ADGRA3: variants seen among roughly 807,000 people sequenced by gnomAD.
ADGRA3 encodes adhesion G protein-coupled receptor A3.
In ADGRA3, 56 loss-of-function variants were observed where a neutral mutation model predicts 119.8. That is an observed-to-expected ratio of 0.47 (90% CI 0.38 to 0.58). The LOEUF is 0.58. Ranked by LOEUF, ADGRA3 falls within the 20% of genes least tolerant of loss-of-function variation. The pLI is 0.00. For missense variants in ADGRA3, 1,516 were observed against 1,649.0 expected (o/e 0.92, Z 1.40); for synonymous variants, 607 against 623.8 (o/e 0.97, Z 0.40).
At chr4:22,390,328 A>ATATATATAAAATACATAT (rs1714062294) in intron 17 of ADGRA3, among the ~76,000 whole-genome samples, 3 of 138,814 alleles carry the variant, frequency 2.2e-5, no homozygotes, top group South Asian at 4.8e-4. Context: ...GCTTATATAT[A>ATATATATAAAATACATAT]TATATATATA....
At chr4:22,450,902 CTGTG>C in intron 4 of ADGRA3, among the ~76,000 whole-genome samples, 1 of 143,250 alleles carries the variant, frequency 7.0e-6, no homozygotes, top group Non-Finnish European at 1.5e-5. Context: ...TTTTAAAGCT[CTGTG>C]TGTGTGTCTA....
At chr4:22,506,611 C>G (rs1003958223) in intron 1 of ADGRA3, among the ~76,000 whole-genome samples, 6 of 152,124 alleles carry the variant, frequency 3.9e-5, no homozygotes, top group African/African-American at 9.7e-5. Flanking sequence ...GCAATGTGCT[C>G]AGTGTGGTAC....
At chr4:22,509,826 C>T (rs190447737) in intron 1 of ADGRA3, among the ~76,000 whole-genome samples, 6,305 of 151,620 alleles carry the variant, frequency 0.042, 455 homozygotes, top group African/African-American at 0.14. Flanking sequence ...CTGGCTAACA[C>T]GGTGAAACCC....
chr4:22,427,510 G>C (rs2109047080), intron 10 of ADGRA3, among the ~76,000 whole-genome samples: 1 of 151,846 alleles, frequency 6.6e-6, no homozygotes, highest in East Asian at 1.9e-4. Context: ...ACGAACAACA[G>C]TAATTGCTTT....
At chr4:22,456,077 C>A (rs1291880656) in intron 3 of ADGRA3, among the ~76,000 whole-genome samples, 2 of 152,184 alleles carry the variant, frequency 1.3e-5, no homozygotes, top group East Asian at 3.9e-4. Flanking sequence ...TCTGCACCAT[C>A]CATTTCAAAC....
intron 4 of ADGRA3, among the ~76,000 whole-genome samples, chr4:22,448,384 A>G (rs1041495709): frequency 6.6e-6 from 1 of 152,128 alleles, no homozygotes; most frequent in Admixed American, 6.5e-5. Flanking sequence ...CATATGCTCA[A>G]CCTCCACAAG....
At position 22,388,632 on chromosome 4, in the gene ADGRA3, C is replaced by T. The variant is rs200208969; in HGVS notation, c.3039G>A (p.Gly1013=). The T allele has an allele frequency of 1.2e-6, 2 of 1,613,964 alleles. No individual in the cohort carries two copies. Among genetic ancestry groups the T allele is most frequent in the Non-Finnish European group, 1.7e-6 (2 of 1,180,000 alleles). The change falls in exon 19 of 19, where the codon GGG becomes GGA. Residue 1013 remains glycine, a synonymous_variant. Transcript: ENST00000334304. The part of the protein sequence containing the change: ...LLLYVALWMF[G]ALAVSLYYPL... ...GGTAATACAAAGAAACAGCCAAAGC[C>T]CCAAACATCCACAGTGCAACATATA...
chr4:22,471,977 T>G (rs1717871982), intron 2 of ADGRA3, among the ~76,000 whole-genome samples: 1 of 152,138 alleles, frequency 6.6e-6, no homozygotes, highest in Non-Finnish European at 1.5e-5. Flanking sequence ...GGGTAGTAAT[T>G]CACACCACAG....
intron 14 of ADGRA3, among the ~76,000 whole-genome samples, chr4:22,409,538 A>C (rs1002189765): frequency 2.6e-5 from 4 of 152,158 alleles, no homozygotes; most frequent in Admixed American, 2.6e-4. Context: ...CAGTTTCCAC[A>C]TCTGTACAGT....
intron 1 of ADGRA3, among the ~76,000 whole-genome samples, chr4:22,495,268 A>T (rs1007953814): frequency 3.3e-5 from 5 of 151,998 alleles, no homozygotes; most frequent in Admixed American, 6.5e-5. Context: ...CGCTACTCAG[A>T]ATGGTACACA....
chr4:22,438,678 A>G (rs189593870), intron 7 of ADGRA3, among the ~76,000 whole-genome samples: 113 of 152,308 alleles, frequency 7.4e-4, no homozygotes, highest in African/African-American at 2.5e-3. Context: ...TATACGACGC[A>G]TGAGAATTCT....
chr4:22,418,025 C>T (rs1715497333), intron 12 of ADGRA3, among the ~76,000 whole-genome samples: 1 of 152,160 alleles, frequency 6.6e-6, no homozygotes. Flanking sequence ...CTCAAAACAC[C>T]AGCTTATTTC....
At chr4:22,426,262 C>G (rs1480661553) in intron 10 of ADGRA3, among the ~76,000 whole-genome samples, 1 of 152,108 alleles carries the variant, frequency 6.6e-6, no homozygotes, top group Admixed American at 6.5e-5. Flanking sequence ...CAGCTTGATC[C>G]TATTAAAATA....
In ADGRA3 at chr4:22,442,842, G is replaced by C; in HGVS notation, c.728C>G (p.Ser243Cys). ...GCGATGAGATGGAGTCATGTAGAAAGACGGCAATTCAAGCGGAGGGTCTAG... is the reference window on the plus strand; with the variant it reads ...GCGATGAGATGGAGTCATGTAGAAACACGGCAATTCAAGCGGAGGGTCTAG... ...LTCDPPLELP[S>C]FYMTPSHRQV... Residue 243 changes from serine (S) to cysteine (C), a missense_variant, in exon 7 of 19, where the codon TCT (serine) becomes TGT (cysteine). Coordinates refer to ENST00000334304, the MANE Select transcript of ADGRA3 (RefSeq NM_145290.4). 6.2e-7 allele frequency: 1 copy of C among 1,612,932 alleles called. No homozygotes were observed. Among genetic ancestry groups the C allele is most frequent in the Middle Eastern group, 1.7e-4 (1 of 6,058 alleles).
chr4:22,389,237 A>T, intron 17 of ADGRA3, 54 bp from the exon 18 acceptor site: 1 of 1,120,150 alleles, frequency 8.9e-7, no homozygotes. Context: ...CTTAACATGT[A>T]TCTCTCATAA....
At chr4:22,464,962 T>A (rs1185270082) in intron 2 of ADGRA3, among the ~76,000 whole-genome samples, 2 of 152,096 alleles carry the variant, frequency 1.3e-5, no homozygotes, top group African/African-American at 2.4e-5. Flanking sequence ...GACCTGCTTC[T>A]GGGGAAATCA....
chr4:22,446,176 A>C (rs1188970774), intron 5 of ADGRA3, among the ~76,000 whole-genome samples: 1 of 152,188 alleles, frequency 6.6e-6, no homozygotes, highest in African/African-American at 2.4e-5. Context: ...ATAAGGAAAA[A>C]AGAAAAAGGA....
intron 4 of ADGRA3, among the ~76,000 whole-genome samples, chr4:22,454,205 G>A (rs756270415): frequency 6.6e-6 from 1 of 151,782 alleles, no homozygotes; most frequent in Non-Finnish European, 1.5e-5. Context: ...CATACTTGAT[G>A]GCTTATACAA....
intron 1 of ADGRA3, among the ~76,000 whole-genome samples, chr4:22,503,378 T>TA (rs1358748586): frequency 6.6e-6 from 1 of 152,184 alleles, no homozygotes; most frequent in Non-Finnish European, 1.5e-5. Flanking sequence ...AATTGCACAA[T>TA]AAAACAAAGA....
Sources: gnomAD v4.1 joint callset for allele counts (sites outside exome capture counted in the v4.1 genomes callset) on GRCh38, gnomAD v4.1.1 for gene constraint, MANE v1.5 for transcripts, NCBI Gene and HGNC (gene_info 2026-07-23, HGNC 2026-07-21) for gene names.